Variants in SYNE2 observed in about 807,000 individuals in gnomAD.
The protein encoded by SYNE2 is spectrin repeat containing nuclear envelope protein 2.
Under a neutral mutation model 856.3 loss-of-function variants are expected in SYNE2, and 431 were observed. The observed-to-expected ratio is 0.50, with a 90% CI of 0.47 to 0.55. The LOEUF (loss-of-function observed/expected upper bound fraction) is 0.55. Ranked by LOEUF, SYNE2 falls within the 20% of genes least tolerant of loss-of-function variation. The pLI, the probability that SYNE2 is intolerant of heterozygous loss-of-function variation, is 0.00. For synonymous variants in SYNE2, 2,923 were observed against 2,872.3 expected (o/e 1.02, Z -0.56); for missense variants, 8,129 against 8,023.2 (o/e 1.01, Z -0.50).
In SYNE2 at chr14:64,119,581, T is replaced by C; in HGVS notation, c.12995T>C (p.Met4332Thr). ...TGCAATTTAGAAAAAGTCCAGATGA[T>C]GCTTCAGGAGAAGCACAGTGAAGAT... ...VKCNLEKVQM[M>T]LQEKHSEDQH... Residue 4332 changes from methionine (M) to threonine (T), a missense_variant, in exon 67 of 116, where the codon ATG (methionine) becomes ACG (threonine). Met to Thr is a moderately conservative substitution (Grantham distance 81, BLOSUM62 -1). Transcript: ENST00000555002. 6.2e-7 allele frequency: 1 copy of C among 1,614,206 alleles called. No homozygotes were observed. Among genetic ancestry groups the C allele is most frequent in the Non-Finnish European group, 8.5e-7 (1 of 1,180,028 alleles).
chr14:64,075,080 C>A (rs2153604934), intron 53 of SYNE2, among the ~76,000 whole-genome samples: 1 of 152,294 alleles, frequency 6.6e-6, no homozygotes, highest in African/African-American at 2.4e-5. Context: ...AACTTTCTCT[C>A]TCTAGATTTG....
chr14:63,911,754 T>C (rs576640401), intron 2 of SYNE2, among the ~76,000 whole-genome samples: 1 of 152,310 alleles, frequency 6.6e-6, no homozygotes, highest in African/African-American at 2.4e-5. Context: ...ACCTATTCAA[T>C]CCATAGCAAG....
intron 98 of SYNE2, among the ~76,000 whole-genome samples, chr14:64,189,797 G>A (rs1361289472): frequency 6.6e-6 from 1 of 152,036 alleles, no homozygotes; most frequent in Non-Finnish European, 1.5e-5. Context: ...TCAGCCACCT[G>A]AGTAGCTGGG....
At chr14:64,022,295 G>A (rs976015092) in intron 37 of SYNE2, among the ~76,000 whole-genome samples, 1 of 152,188 alleles carries the variant, frequency 6.6e-6, no homozygotes, top group Non-Finnish European at 1.5e-5. Flanking sequence ...CATTGTGGTT[G>A]GTGAGTCTGG....
In SYNE2 at chr14:64,212,805, C is replaced by G; in HGVS notation, c.18862-6C>G. 2 of 1,614,066 alleles carry G rather than the reference C, an allele frequency of 1.2e-6. No individual in the cohort carries two copies. Among genetic ancestry groups the G allele is most frequent in the South Asian group, 1.1e-5 (1 of 91,074 alleles). Reference sequence around the variant, plus strand: ...TTGAAATCCTTTCTTTCTCCTCTCTCAACAGGGCTTCCAACAGGAAATTAC... The same window carrying G: ...TTGAAATCCTTTCTTTCTCCTCTCTGAACAGGGCTTCCAACAGGAAATTAC... On this transcript the variant is annotated splice_polypyrimidine_tract_variant and splice_region_variant and intron_variant, in intron 104 of 115. Transcript: ENST00000555002.
chr14:63,829,361 G>A (rs1889582733), intron 1 of SYNE2, among the ~76,000 whole-genome samples: 2 of 151,986 alleles, frequency 1.3e-5, no homozygotes, highest in Admixed American at 6.6e-5. Flanking sequence ...AGGTTGCAGT[G>A]AGCCATGGTC....
chr14:63,962,397 A>G (rs1399854722), intron 9 of SYNE2, among the ~76,000 whole-genome samples: 5 of 151,974 alleles, frequency 3.3e-5, no homozygotes, highest in Admixed American at 1.3e-4. Context: ...TCCTTTATTG[A>G]GATATAGTTT....
chr14:63,850,308 G>A (rs967373328), upstream of SYNE2, among the ~76,000 whole-genome samples: 11 of 143,364 alleles, frequency 7.7e-5, no homozygotes, highest in South Asian at 2.2e-4. Context: ...GGCTGGTCTC[G>A]AACTCCTGAC....
chr14:64,051,455 TG>T, intron 47 of SYNE2, 101 bp from the exon 48 acceptor site: 1 of 1,166,040 alleles, frequency 8.6e-7, no homozygotes, highest in Non-Finnish European at 1.2e-6. Context: ...ATTTTTTCTG[TG>T]AATTTAGAGC....
In SYNE2 at chr14:63,942,144, G is replaced by A; in HGVS notation, c.408+1G>A. The A allele has an allele frequency of 1.3e-6, 2 of 1,558,788 alleles. No individual in the cohort carries two copies. Among genetic ancestry groups the A allele is most frequent in the Non-Finnish European group, 1.8e-6 (2 of 1,131,572 alleles). ...TTGGACAATTATCCTGCACTTTCAT[G>A]TAAGTAGTTTGATGATATAAAAATT... On this transcript the variant is annotated splice_donor_variant, in intron 6 of 115. Transcript: ENST00000555002. LOFTEE classifies it high-confidence loss of function.
chr14:64,040,434 C>T (rs932165185), intron 45 of SYNE2, among the ~76,000 whole-genome samples: 10 of 151,592 alleles, frequency 6.6e-5, no homozygotes, highest in African/African-American at 2.4e-4. Context: ...GGGACTTCAA[C>T]AAACAACAAA....
At chr14:64,182,486 A>T (rs1460817633) in intron 96 of SYNE2, among the ~76,000 whole-genome samples, 6 of 152,274 alleles carry the variant, frequency 3.9e-5, no homozygotes, top group African/African-American at 1.4e-4. Context: ...AGGTCAGCAG[A>T]TAAACAAGTG....
chr14:63,992,678 A>G (rs376120555), intron 21 of SYNE2, among the ~76,000 whole-genome samples: 19 of 152,210 alleles, frequency 1.2e-4, no homozygotes, highest in Admixed American at 3.9e-4. Context: ...CATTTTGCCA[A>G]TGGCATTTAG....
chr14:64,063,005 G>T, intron 50 of SYNE2, 110 bp downstream of exon 50: 2 of 1,258,298 alleles, frequency 1.6e-6, no homozygotes, highest in Admixed American at 1.8e-5. Context: ...AATCTTCACA[G>T]TGAGTTAAAT....
chr14:64,105,219 A>G (rs2153646421), intron 64 of SYNE2, among the ~76,000 whole-genome samples: 1 of 152,320 alleles, frequency 6.6e-6, no homozygotes, highest in East Asian at 1.9e-4. Context: ...ATCTTATAAA[A>G]TACTGATGAC....
intron 96 of SYNE2, among the ~76,000 whole-genome samples, chr14:64,178,464 GTTTGTT>G (rs1256313401): frequency 6.6e-6 from 1 of 152,066 alleles, no homozygotes; most frequent in Admixed American, 6.6e-5. Context: ...TTGTTTGTTC[GTTTGTT>G]TTTAAGAGAC....
At chr14:64,106,524 C>T (rs1450397897) in intron 64 of SYNE2, among the ~76,000 whole-genome samples, 1 of 152,114 alleles carries the variant, frequency 6.6e-6, no homozygotes, top group African/African-American at 2.4e-5. Flanking sequence ...TGGCGGGTGC[C>T]TGTAGTCCCA....
chr14:63,835,445 C>T (rs1442883915), intron 1 of SYNE2, among the ~76,000 whole-genome samples: 2 of 151,942 alleles, frequency 1.3e-5, no homozygotes, highest in Admixed American at 1.3e-4. Flanking sequence ...ATTGGCCAGG[C>T]TGGTCTCAAA....
At chr14:64,024,507 T>A (rs373341906) in intron 39 of SYNE2, 48 bp downstream of exon 39, 29 of 1,571,560 alleles carry the variant, frequency 1.8e-5, no homozygotes, top group Admixed American at 3.4e-5. Context: ...TAACCATATC[T>A]TTATTTGTAC....
Sources: gnomAD v4.1 joint callset for allele counts (sites outside exome capture counted in the v4.1 genomes callset) on GRCh38, gnomAD v4.1.1 for gene constraint, MANE v1.5 for transcripts, NCBI Gene and HGNC (gene_info 2026-07-23, HGNC 2026-07-21) for gene names.